Variants in GABRG1 observed in about 807,000 individuals in gnomAD.
The protein encoded by GABRG1 is gamma-aminobutyric acid type A receptor subunit gamma1, also known as gamma-aminobutyric acid receptor subunit gamma-1.
In GABRG1, 49 loss-of-function variants were observed where a neutral mutation model predicts 49.8. The ratio of observed to expected loss-of-function variants is 0.98; its 90% confidence interval spans 0.78 to 1.25. GABRG1 has a LOEUF of 1.25. Among genes scored for constraint, GABRG1 ranks in the 50% most tolerant of loss-of-function variants. The pLI, the probability that GABRG1 is intolerant of heterozygous loss-of-function variation, is 0.00. For missense variants in GABRG1, 552 were observed against 552.3 expected (o/e 1.00, Z 0.01); for synonymous variants, 232 against 185.1 (o/e 1.25, Z -2.06).
At chr4:46,062,743 C>T (rs544537954) in intron 5 of GABRG1, among the ~76,000 whole-genome samples, 53 of 152,192 alleles carry the variant, frequency 3.5e-4, no homozygotes, top group Admixed American at 1.5e-3. Flanking sequence ...TGTTTGCAGA[C>T]GACATCATTG....
In GABRG1 at chr4:46,037,853, G is replaced by A. The variant is rs976636255; in HGVS notation, c.*3135C>T. The A allele has an allele frequency of 1.3e-5, 2 of 151,548 alleles. No homozygotes were observed. Among genetic ancestry groups the A allele is most frequent in the African/African-American group, 4.8e-5 (2 of 41,352 alleles). 9.4% of individuals were successfully genotyped at this position (151,548 alleles called of 1,614,324 possible). A position where few individuals can be genotyped will look rare whatever the true frequency, so the allele number is the denominator to read the frequency against. ...TCACATTTATAACTATGGGGCCCTT[G>A]GTGTGAGAGAACTGTAGCCTATTCT... is the stretch of plus-strand genomic sequence containing the variant. On this transcript the variant is annotated 3_prime_UTR_variant, in exon 9 of 9. Transcript: ENST00000295452.
At position 46,123,859 on chromosome 4, in the gene GABRG1, T is replaced by C. The variant is rs770228084; in HGVS notation, c.55A>G (p.Arg19Gly). The change falls in exon 1 of 9, where the codon AGA (arginine) becomes GGA (glycine). Residue 19 changes from arginine (R) to glycine (G), a missense_variant. Physicochemically the swap from Arg to Gly is moderately radical, Grantham distance 125. Coordinates refer to ENST00000295452, the MANE Select transcript of GABRG1 (RefSeq NM_173536.4). ...FSPFLLRSQS[R>G]GVRLVFLLLT... ...AACAAGAAGACCAACCTCACCCCTC[T>C]ACTTTGACTCCGCAGAAGAAAAGGG... 2.9e-5 allele frequency: 47 copies of C among 1,613,654 alleles called. No homozygotes were observed. Among genetic ancestry groups the C allele is most frequent in the Non-Finnish European group, 3.8e-5 (45 of 1,179,796 alleles).
chr4:46,117,134 C>T (rs546973571), intron 1 of GABRG1, among the ~76,000 whole-genome samples: 4 of 150,552 alleles, frequency 2.7e-5, no homozygotes, highest in African/African-American at 9.7e-5. Flanking sequence ...AGAAACAAAT[C>T]ACATCTTGAC....
intron 7 of GABRG1, among the ~76,000 whole-genome samples, chr4:46,053,261 T>A (rs1285373884): frequency 6.6e-6 from 1 of 151,874 alleles, no homozygotes; most frequent in East Asian, 1.9e-4. Context: ...TGTATTTTAG[T>A]AATATCTTGT....
intron 1 of GABRG1, among the ~76,000 whole-genome samples, chr4:46,107,432 C>CAAAT (rs1196976808): frequency 6.6e-6 from 1 of 151,046 alleles, no homozygotes; most frequent in African/African-American, 2.4e-5. Flanking sequence ...TCTACACACA[C>CAAAT]AAATGTACAT....
At chr4:46,071,812 G>A (rs1719135260) in intron 3 of GABRG1, among the ~76,000 whole-genome samples, 1 of 151,986 alleles carries the variant, frequency 6.6e-6, no homozygotes. Context: ...TTTTTAAGCT[G>A]TTATGAAAAT....
In GABRG1 at chr4:46,036,915, A is replaced by G. The variant is rs1717551391; in HGVS notation, c.*4073T>C. The G allele has an allele frequency of 6.6e-6, 1 of 151,620 alleles. No individual in the cohort carries two copies. Among genetic ancestry groups the G allele is most frequent in the Non-Finnish European group, 1.5e-5 (1 of 67,816 alleles). 9.4% of individuals were successfully genotyped at this position (151,620 alleles called of 1,614,324 possible). On this transcript the variant is annotated 3_prime_UTR_variant, in exon 9 of 9. Transcript: ENST00000295452. ...GTTTATTGTTCTAACCTAACCTTTC[A>G]TTGTCTCTATATGAATCTTAACTTC...
At chr4:46,070,573 A>C (rs529578952) in intron 3 of GABRG1, among the ~76,000 whole-genome samples, 1 of 152,052 alleles carries the variant, frequency 6.6e-6, no homozygotes, top group African/African-American at 2.4e-5. Context: ...TAGTAAAGGT[A>C]CTCCATAGAA....
intron 3 of GABRG1, among the ~76,000 whole-genome samples, chr4:46,080,644 G>A (rs1348730337): frequency 6.6e-6 from 1 of 150,482 alleles, no homozygotes; most frequent in Non-Finnish European, 1.5e-5. Context: ...GTAAAAGTCT[G>A]TGATAGCCAT....
Position 46,058,450 on chromosome 4 carries a change from C to A in GABRG1, c.763+35G>T, listed in dbSNP as rs776002505. 1.9e-5 allele frequency: 31 copies of A among 1,604,612 alleles called. No homozygotes were observed. The Middle Eastern group carries it at 2.3e-3, about 121-fold the overall frequency. On this transcript the variant is annotated intron_variant, in intron 6 of 8. Transcript: ENST00000295452. The stretch of plus-strand genomic sequence containing the variant: ...TTTAAAATAAAAATGTCATTTAATG[C>A]TAGCATCATTTCACTATTTGAGTAT...
chr4:46,060,888 C>T (rs1718647173), intron 5 of GABRG1, among the ~76,000 whole-genome samples: 1 of 152,002 alleles, frequency 6.6e-6, no homozygotes, highest in African/African-American at 2.4e-5. Flanking sequence ...CACTCTGAAT[C>T]TCATGATATT....
At chr4:46,114,006 G>T (rs1720798850) in intron 1 of GABRG1, among the ~76,000 whole-genome samples, 1 of 150,926 alleles carries the variant, frequency 6.6e-6, no homozygotes, top group South Asian at 2.1e-4. Flanking sequence ...GCTTTTCAAA[G>T]GGTAGGAAAA....
intron 1 of GABRG1, among the ~76,000 whole-genome samples, chr4:46,104,150 A>G (rs1216244069): frequency 6.6e-6 from 1 of 151,444 alleles, no homozygotes; most frequent in Non-Finnish European, 1.5e-5. Flanking sequence ...TTCACATGTG[A>G]AATGATTATG....
At chr4:46,091,745 G>A (rs1039337338) in intron 2 of GABRG1, among the ~76,000 whole-genome samples, 1 of 151,990 alleles carries the variant, frequency 6.6e-6, no homozygotes, top group Non-Finnish European at 1.5e-5. Flanking sequence ...CAGAGAAATT[G>A]AGACAGAAGA....
Position 46,038,377 on chromosome 4 carries a change from AT to A in GABRG1, c.*2610del, listed in dbSNP as rs1355334860. 2 of 151,676 alleles carry A rather than the reference AT, an allele frequency of 1.3e-5. No homozygotes were observed. The highest frequency in any genetic ancestry group is 4.8e-5 in the African/African-American group (2 of 41,408). The allele number at this position is 151,676 out of a possible 1,614,324, so 9.4% of individuals were successfully genotyped here. A position where few individuals can be genotyped will look rare whatever the true frequency, so the allele number is the denominator to read the frequency against. ...TCACATATTTAGAGGATAGGTCTATATAAACAAACATTTTTACAAATGATCT... is the reference window on the plus strand; with the variant it reads ...TCACATATTTAGAGGATAGGTCTATAAAACAAACATTTTTACAAATGATCT... On this transcript the variant is annotated 3_prime_UTR_variant, in exon 9 of 9. Coordinates refer to ENST00000295452, the MANE Select transcript of GABRG1 (RefSeq NM_173536.4).
At chr4:46,114,415 A>G (rs12511372) in intron 1 of GABRG1, among the ~76,000 whole-genome samples, 64,817 of 150,754 alleles carry the variant, frequency 0.43, 14,407 homozygotes, top group Non-Finnish European at 0.49. Context: ...ATACTAGGTA[A>G]GTGTGTCCTG....
intron 3 of GABRG1, among the ~76,000 whole-genome samples, chr4:46,072,355 C>T (rs1373001393): frequency 1.3e-5 from 2 of 152,004 alleles, no homozygotes; most frequent in East Asian, 3.9e-4. Context: ...TGTATTTGGG[C>T]ACCATAGCCT....
chr4:46,123,627 T>C (rs1239344590), intron 1 of GABRG1, among the ~76,000 whole-genome samples, 183 bp downstream of exon 1: 3 of 152,240 alleles, frequency 2.0e-5, no homozygotes, highest in East Asian at 1.9e-4. Flanking sequence ...TTCAGAAATA[T>C]GTTACTTTCC....
At chr4:46,101,949 G>A (rs567917152) in intron 1 of GABRG1, among the ~76,000 whole-genome samples, 3 of 151,686 alleles carry the variant, frequency 2.0e-5, no homozygotes, top group African/African-American at 7.2e-5. Context: ...TTCTATACTA[G>A]TGAGACAATA....
Sources: allele counts gnomAD v4.1 joint callset (sites outside exome capture counted in the v4.1 genomes callset), GRCh38; gene constraint gnomAD v4.1.1; transcripts MANE v1.5; gene names NCBI Gene and HGNC (gene_info 2026-07-23, HGNC 2026-07-21).